Variants in KCNC3 observed in about 807,000 individuals in gnomAD.
KCNC3 encodes the protein potassium voltage-gated channel subfamily C member 3.
In KCNC3, 22 loss-of-function variants were observed where a neutral mutation model predicts 43.9. The observed-to-expected ratio is 0.50, with a 90% CI of 0.36 to 0.72. KCNC3 has a LOEUF of 0.72. Ranked by LOEUF, KCNC3 falls within the 30% of genes least tolerant of loss-of-function variation. The pLI is 0.00. For missense variants in KCNC3, 829 were observed against 1,073.8 expected (o/e 0.77, Z 3.19); for synonymous variants, 492 against 488.0 (o/e 1.01, Z -0.11).
In KCNC3 at chr19:50,328,911, G is replaced by A; in HGVS notation, c.172C>T (p.Pro58Ser). The A allele has an allele frequency of 1.1e-6, 1 of 910,614 alleles. No individual in the cohort carries two copies. Among genetic ancestry groups the A allele is most frequent in the Non-Finnish European group, 1.3e-6 (1 of 763,146 alleles). 56.4% of individuals were successfully genotyped at this position (910,614 alleles called of 1,614,324 possible). A position where few individuals can be genotyped will look rare whatever the true frequency, so the allele number is the denominator to read the frequency against. Residue 58 changes from proline to serine, a missense_variant, in exon 1 of 5, where the codon CCC becomes TCC. Pro to Ser is a moderately conservative substitution (Grantham distance 74). Transcript: ENST00000477616. ...GCGCGCCGGTCCCCGGGCCCGCGGG[G>A]TGCCGGGGGGCCCGCCGGGGACGCG... ...PAASPAGPPA[P>S]RGPGDRRAEP...
chr19:50,321,803 G>A (rs1049366405), intron 2 of KCNC3, among the ~76,000 whole-genome samples: 8 of 151,850 alleles, frequency 5.3e-5, no homozygotes, highest in Non-Finnish European at 7.4e-5. Flanking sequence ...AGATGGTTGC[G>A]GATGAAGCAA....
chr19:50,332,506 C>T (rs1236646469), upstream of KCNC3, among the ~76,000 whole-genome samples: 1 of 151,944 alleles, frequency 6.6e-6, no homozygotes, highest in African/African-American at 2.4e-5. This position sits in a 1 kb window ranked among gnomAD's most constrained non-coding sequence, Gnocchi z 5.8. Flanking sequence ...CCCTGGGAAA[C>T]TTGGATGCCA....
chr19:50,329,003 G>T lies in KCNC3; in HGVS notation c.80C>A (p.Pro27Gln). The T allele has an allele frequency of 2.4e-6, 3 of 1,256,560 alleles. No homozygotes were observed. The highest frequency in any genetic ancestry group is 3.0e-6 in the Non-Finnish European group (3 of 984,226). The allele number at this position is 1,256,560 out of a possible 1,614,324, so 77.8% of individuals were successfully genotyped here. The change falls in exon 1 of 5, where the codon CCG becomes CAG. Residue 27 changes from proline (P) to glutamine (Q), a missense_variant. Around this residue, in one of 7 missense-constraint regions of KCNC3, gnomAD observed 129 missense variants for 83.6 expected, o/e 1.54. Transcript: ENST00000477616. ...CGGTGGCGGCGGCGGGGACTCGGGC[G>T]GCTGCGGCGGTGGCGCCGGCTGCTG... is the stretch of plus-strand genomic sequence containing the variant. ...SKQQPAPPPQ[P>Q]PESPPPPPLP...
In KCNC3 at chr19:50,323,243, G is replaced by A. The variant is rs1479730640; in HGVS notation, c.1710C>T (p.Gly570=). The change falls in exon 2 of 5, where the codon GGC becomes GGT. Residue 570 remains glycine (G), a synonymous_variant. Transcript: ENST00000477616. ...NKHIPRPPQP[G]SPNYCKPDPP... is the part of the protein sequence containing the mutation. ...GGTCAGGCTTGCAGTAGTTGGGCGA[G>A]CCCGGTTGCGGGGGCCGGGGGATGT... 1.3e-6 allele frequency: 2 copies of A among 1,594,762 alleles called. No individual in the cohort carries two copies. Among genetic ancestry groups the A allele is most frequent in the Non-Finnish European group, 1.7e-6 (2 of 1,176,606 alleles).
At position 50,323,997 on chromosome 19, in the gene KCNC3, C is replaced by T. The variant is rs2123535735; in HGVS notation, c.956G>A (p.Ser319Asn). 6.2e-7 allele frequency: 1 copy of T among 1,612,326 alleles called. No homozygotes were observed. Among genetic ancestry groups the T allele is most frequent in the East Asian group, 2.2e-5 (1 of 44,808 alleles). ...LETHEGFIHI[S>N]NKTVTQASPI... ...GGAGGCCTGGGTCACCGTCTTGTTGCTAATATGGATGAAGCCCTCATGGGT... is the reference window on the plus strand; with the variant it reads ...GGAGGCCTGGGTCACCGTCTTGTTGTTAATATGGATGAAGCCCTCATGGGT... The change falls in exon 2 of 5, where the codon AGC becomes AAC. Residue 319 changes from serine (S) to asparagine (N), a missense_variant. Around this residue, in one of 7 missense-constraint regions of KCNC3, gnomAD observed 157 missense variants for 293.5 expected, o/e 0.53. Coordinates refer to ENST00000477616, the MANE Select transcript of KCNC3 (RefSeq NM_004977.3).
rs78285067 is a variant in KCNC3 at position 50,320,374 on chromosome 19, G to T, written c.2171-25C>A. 2.1e-3 allele frequency: 1,047 copies of T among 487,692 alleles called. 11 individuals are homozygous for T. Among genetic ancestry groups the T allele is most frequent in the African/African-American group, 0.02 (950 of 46,800 alleles). 30.2% of individuals were successfully genotyped at this position (487,692 alleles called of 1,614,324 possible). ...GCTGGGGGTGGGGGAAGAGGCCAGA[G>T]AGTTGGGGGGAATGGACATGGAATA... On this transcript the variant is annotated intron_variant, in intron 3 of 4. Transcript: ENST00000477616.
Position 50,323,712 on chromosome 19 carries a change from C to T in KCNC3, c.1241G>A (p.Arg414Gln). 6.2e-7 allele frequency: 1 copy of T among 1,614,202 alleles called. No individual in the cohort carries two copies. The highest frequency in any genetic ancestry group is 8.5e-7 in the Non-Finnish European group (1 of 1,180,044). The change falls in exon 2 of 5, where the codon CGG (arginine) becomes CAG (glutamine). Residue 414 changes from arginine to glutamine, a missense_variant. By Grantham distance (43) the Arg-to-Gln change is conservative. Coordinates refer to ENST00000477616, the MANE Select transcript of KCNC3 (RefSeq NM_004977.3). ...KAAKDVLGFL[R>Q]VVRFVRILRI... ...CAGGATGCGGACGAAGCGGACCACC[C>T]GCAGGAAGCCCAGCACGTCTTTGGC... is the stretch of plus-strand genomic sequence containing the variant.
At chr19:50,333,289 G>A (rs2037208018), upstream of KCNC3, among the ~76,000 whole-genome samples, 1 of 152,308 alleles carries the variant, frequency 6.6e-6, no homozygotes, top group South Asian at 2.1e-4. Context: ...GCTGCAGAGG[G>A]GGGAGTGACA....
chr19:50,330,102 A>C (rs1568574673), upstream of KCNC3, among the ~76,000 whole-genome samples: 1 of 152,104 alleles, frequency 6.6e-6, no homozygotes, highest in Non-Finnish European at 1.5e-5. Flanking sequence ...CCCCGCCTCT[A>C]CTAAAAATAC....
chr19:50,328,982 G>T lies in KCNC3; in HGVS notation c.101C>A (p.Pro34Gln). 2 of 1,085,536 alleles carry T rather than the reference G, an allele frequency of 1.8e-6. No homozygotes were observed. Among genetic ancestry groups the T allele is most frequent in the Non-Finnish European group, 2.3e-6 (2 of 859,180 alleles). The allele number at this position is 1,085,536 out of a possible 1,614,324, so 67.2% of individuals were successfully genotyped here. The change falls in exon 1 of 5, where the codon CCA becomes CAA. Residue 34 changes from proline (P) to glutamine (Q), a missense_variant. Pro to Gln is a moderately conservative substitution (Grantham distance 76). This residue lies in a region of KCNC3 where 129 missense variants were observed against 83.6 expected (regional missense o/e 1.54). Transcript: ENST00000477616. ...CTGCTGCTGCTGCGGCGGCAGCGGT[G>T]GCGGCGGCGGGGACTCGGGCGGCTG... The part of the protein sequence containing the change: ...PPQPPESPPP[P>Q]PLPPQQQQPA...
In KCNC3 at chr19:50,312,841, C is replaced by G. The variant is rs2036897867; in HGVS notation, c.*3274G>C. 6.6e-6 allele frequency: 1 copy of G among 152,064 alleles called. No homozygotes were observed. The highest frequency in any genetic ancestry group is 1.5e-5 in the Non-Finnish European group (1 of 68,034). The allele number at this position is 152,064 out of a possible 1,614,324, so 9.4% of individuals were successfully genotyped here. A position where few individuals can be genotyped will look rare whatever the true frequency, so the allele number is the denominator to read the frequency against. On this transcript the variant is annotated 3_prime_UTR_variant, in exon 5 of 5. Coordinates refer to ENST00000477616, the MANE Select transcript of KCNC3 (RefSeq NM_004977.3). Reference sequence around the variant, plus strand: ...ATATAATCAGTCCCCACCCCGTACCCTGGTGTCTGGAGCCCCTAGCCCTTT... The same window carrying G: ...ATATAATCAGTCCCCACCCCGTACCGTGGTGTCTGGAGCCCCTAGCCCTTT...
rs901250151 is a variant in KCNC3 at position 50,324,897 on chromosome 19, G to C, written c.871-815C>G. ...GCCCTTAAGGGAGGAGGGGTTGAAG[G>C]GTTAAGCCTGCAAAAATGGAAGAGG... On this transcript the variant is annotated intron_variant, in intron 1 of 4. Transcript: ENST00000477616. The surrounding 1 kb of genome is among the most constrained non-coding windows in gnomAD (Gnocchi z 4.1). Among the ~76,000 whole-genome samples, 2 of 152,022 alleles carry C rather than the reference G, an allele frequency of 1.3e-5. No individual in the cohort carries two copies. The highest frequency in any genetic ancestry group is 4.8e-5 in the African/African-American group (2 of 41,396).
At position 50,323,834 on chromosome 19, in the gene KCNC3, CT is replaced by C; in HGVS notation, c.1118del (p.Lys373ArgfsTer55). The C allele has an allele frequency of 6.2e-7, 1 of 1,614,198 alleles. No homozygotes were observed. ...FLMRITFCPD[K>X]VEFLKSSLNI... ...TGAGGCTGCTTTTAAGAAACTCCACCTTGTCTGGGCAGAAGGTGATGCGCAT... is the reference window on the plus strand; with the variant it reads ...TGAGGCTGCTTTTAAGAAACTCCACCTGTCTGGGCAGAAGGTGATGCGCAT... On this transcript the variant is annotated frameshift_variant, in exon 2 of 5. Coordinates refer to ENST00000477616, the MANE Select transcript of KCNC3 (RefSeq NM_004977.3). LOFTEE classifies it high-confidence loss of function.
rs1601099668 is a variant in KCNC3, at chr19:50,324,857, G to A, written c.871-775C>T. 6.6e-6 allele frequency among the ~76,000 whole-genome samples: 1 copy of A among 152,052 alleles called. No individual in the cohort carries two copies. Among genetic ancestry groups the A allele is most frequent in the African/African-American group, 2.4e-5 (1 of 41,412 alleles). Reference sequence around the variant, plus strand: ...AGGGCAGTGGTGGTGCCACAGAGGGGAGGTGGGGGTCCGGGCCCTTAAGGG... The same window carrying A: ...AGGGCAGTGGTGGTGCCACAGAGGGAAGGTGGGGGTCCGGGCCCTTAAGGG... On this transcript the variant is annotated intron_variant, in intron 1 of 4. Coordinates refer to ENST00000477616, the MANE Select transcript of KCNC3 (RefSeq NM_004977.3). This position sits in a 1 kb window ranked among gnomAD's most constrained non-coding sequence, Gnocchi z 4.1.
Position 50,312,856 on chromosome 19 carries a change from C to T in KCNC3, c.*3259G>A, listed in dbSNP as rs1349165637. 1 of 151,996 alleles carries T rather than the reference C, an allele frequency of 6.6e-6. No homozygotes were observed. Among genetic ancestry groups the T allele is most frequent in the East Asian group, 1.9e-4 (1 of 5,154 alleles). 9.4% of individuals were successfully genotyped at this position (151,996 alleles called of 1,614,324 possible). Reference sequence around the variant, plus strand: ...ACCCCGTACCCTGGTGTCTGGAGCCCCTAGCCCTTTGCCCCGCCCCCACCA... The same window carrying T: ...ACCCCGTACCCTGGTGTCTGGAGCCTCTAGCCCTTTGCCCCGCCCCCACCA... On this transcript the variant is annotated 3_prime_UTR_variant, in exon 5 of 5. Transcript: ENST00000477616.
Position 50,314,685 on chromosome 19 carries a change from T to G in KCNC3, c.*1430A>C. Reference sequence around the variant, plus strand: ...CCTCTCTCCATCCTGGGGGCCCAGGTTGGGGGTGAGGGGCCCGGGGGTGTC... The same window carrying G: ...CCTCTCTCCATCCTGGGGGCCCAGGGTGGGGGTGAGGGGCCCGGGGGTGTC... On this transcript the variant is annotated 3_prime_UTR_variant, in exon 5 of 5. Transcript: ENST00000477616. 2.4e-6 allele frequency: 1 copy of G among 410,772 alleles called. No individual in the cohort carries two copies. The allele number at this position is 410,772 out of a possible 1,614,324, so 25.4% of individuals were successfully genotyped here.
In KCNC3 at chr19:50,329,007, G is replaced by A; in HGVS notation, c.76C>T (p.Gln26Ter). The A allele has an allele frequency of 3.1e-6, 4 of 1,278,798 alleles. No homozygotes were observed. Among genetic ancestry groups the A allele is most frequent in the Non-Finnish European group, 4.0e-6 (4 of 998,964 alleles). 79.2% of individuals were successfully genotyped at this position (1,278,798 alleles called of 1,614,324 possible). ...GGCGGCGGCGGGGACTCGGGCGGCT[G>A]CGGCGGTGGCGCCGGCTGCTGCTTG... ...ASKQQPAPPP[Q>*]PPESPPPPPL... is the part of the protein sequence containing the mutation. The change falls in exon 1 of 5, where the codon CAG becomes TAG. Residue 26 changes from glutamine to a stop codon, truncating the protein, a stop_gained. Transcript: ENST00000477616. LOFTEE classifies it high-confidence loss of function.
chr19:50,323,831 C>G lies in KCNC3; in HGVS notation c.1122G>C (p.Val374=). The change falls in exon 2 of 5, where the codon GTG becomes GTC. Residue 374 remains valine (V), a synonymous_variant. Transcript: ENST00000477616. ...TGTTGAGGCTGCTTTTAAGAAACTCCACCTTGTCTGGGCAGAAGGTGATGC... is the reference window on the plus strand; with the variant it reads ...TGTTGAGGCTGCTTTTAAGAAACTCGACCTTGTCTGGGCAGAAGGTGATGC... ...LMRITFCPDK[V]EFLKSSLNII... 6.2e-7 allele frequency: 1 copy of G among 1,614,182 alleles called. No homozygotes were observed. Among genetic ancestry groups the G allele is most frequent in the East Asian group, 2.2e-5 (1 of 44,872 alleles).
chr19:50,330,243 G>A (rs552349860), upstream of KCNC3, among the ~76,000 whole-genome samples: 8 of 152,210 alleles, frequency 5.3e-5, no homozygotes, highest in East Asian at 1.6e-3. Flanking sequence ...CTCCAGCCTG[G>A]GCGACAGAGC....
Sources: allele counts gnomAD v4.1 joint callset (sites outside exome capture counted in the v4.1 genomes callset), GRCh38; gene constraint gnomAD v4.1.1; regional missense constraint gnomAD v4.1.1; non-coding constraint Gnocchi (gnomAD v3.1); transcripts MANE v1.5; gene names NCBI Gene and HGNC (gene_info 2026-07-23, HGNC 2026-07-21).